The following LSAMP variants were observed in gnomAD, a reference collection of about 807,000 sequenced individuals.
LSAMP encodes limbic system-associated membrane protein.
Under a neutral mutation model 38.6 loss-of-function variants are expected in LSAMP, and 7 were observed. The observed-to-expected ratio is 0.18, with a 90% CI of 0.10 to 0.34. LSAMP has a LOEUF of 0.34. Among genes scored for constraint, LSAMP ranks in the 10% least tolerant of loss-of-function variants. LSAMP has a pLI of 1.00. For synonymous variants in LSAMP, 154 were observed against 166.8 expected, an observed-to-expected ratio of 0.92 and a Z score of 0.59; for missense variants, 313 against 420.0, an observed-to-expected ratio of 0.75 and a Z score of 2.23.
At chr3:115,915,641 CT>C (rs957374291) in intron 3 of LSAMP, among the ~76,000 whole-genome samples, 222 of 145,024 alleles carry the variant, frequency 1.5e-3, no homozygotes, top group Middle Eastern at 3.6e-3. Context: ...TAGGAATATC[CT>C]TTTTTTTTTT....
chr3:116,022,555 T>C (rs969912669), intron 2 of LSAMP, among the ~76,000 whole-genome samples: 1 of 152,168 alleles, frequency 6.6e-6, no homozygotes, highest in African/African-American at 2.4e-5. Flanking sequence ...CTCCTTCCAG[T>C]TGTTATTTTT....
Position 115,810,229 on chromosome 3 carries a change from CT to C in LSAMP, c.*87del. 3.3e-6 allele frequency: 3 copies of C among 903,182 alleles called. No homozygotes were observed. The highest frequency in any genetic ancestry group is 2.6e-5 in the Admixed American group (1 of 38,208). 55.9% of individuals were successfully genotyped at this position (903,182 alleles called of 1,614,324 possible). Reference sequence around the variant, plus strand: ...AATAAACGGTCTCCCCCATCTCTCTCTCTCTCTCTCTCTCTGTCTCTCTCTC... The same window carrying C: ...AATAAACGGTCTCCCCCATCTCTCTCCTCTCTCTCTCTCTGTCTCTCTCTC... On this transcript the variant is annotated 3_prime_UTR_variant, in exon 7 of 7. Coordinates refer to ENST00000490035, the MANE Select transcript of LSAMP (RefSeq NM_002338.5).
chr3:115,872,394 C>T (rs2107400384), intron 3 of LSAMP, among the ~76,000 whole-genome samples: 1 of 152,194 alleles, frequency 6.6e-6, no homozygotes, highest in South Asian at 2.1e-4. Flanking sequence ...TGCGGCATCA[C>T]CTGCACCTTA....
intron 2 of LSAMP, among the ~76,000 whole-genome samples, chr3:116,072,196 C>T (rs562679790): frequency 9.9e-5 from 15 of 151,904 alleles, no homozygotes; most frequent in Non-Finnish European, 1.9e-4. Context: ...AGGATGGTCT[C>T]GATCTCTTGA....
At chr3:116,138,869 T>C (rs1390621779) in intron 1 of LSAMP, among the ~76,000 whole-genome samples, 1 of 151,538 alleles carries the variant, frequency 6.6e-6, no homozygotes, top group Non-Finnish European at 1.5e-5. Flanking sequence ...ATTGAATTCA[T>C]TGGCAGGTGG....
chr3:116,004,961 A>G (rs1370035879), intron 3 of LSAMP, among the ~76,000 whole-genome samples: 1 of 152,164 alleles, frequency 6.6e-6, no homozygotes, highest in Non-Finnish European at 1.5e-5. Flanking sequence ...CTGGGACAAG[A>G]CTGACATGAA....
intron 1 of LSAMP, among the ~76,000 whole-genome samples, chr3:116,177,945 A>G (rs905826230): frequency 3.3e-5 from 5 of 152,218 alleles, no homozygotes; most frequent in Non-Finnish European, 2.9e-5. Context: ...GCTAAATTCT[A>G]TCAGAGATAC....
intron 6 of LSAMP, among the ~76,000 whole-genome samples, chr3:115,828,933 C>T (rs1372501532): frequency 6.6e-6 from 1 of 152,074 alleles, no homozygotes; most frequent in Non-Finnish European, 1.5e-5. Flanking sequence ...GCAGGCAGAT[C>T]CAGATTCGAA....
Position 116,400,666 on chromosome 3 carries a change from C to T in LSAMP, c.155+44211G>A, listed in dbSNP as rs991298617. Among the ~76,000 whole-genome samples the T allele has an allele frequency of 7.9e-5, 12 of 152,020 alleles. No individual in the cohort carries two copies. In the East Asian group the frequency reaches 9.7e-4, roughly 12 times the overall value. ...TTAATTTTTGTATTTTTAGTAGGGA[C>T]GGGGTTTCACCACGTTAGCCAGGCT... On this transcript the variant is annotated intron_variant, in intron 1 of 6. Transcript: ENST00000490035.
At chr3:116,040,024 T>C (rs1941134584) in intron 2 of LSAMP, among the ~76,000 whole-genome samples, 1 of 152,128 alleles carries the variant, frequency 6.6e-6, no homozygotes, top group Non-Finnish European at 1.5e-5. Context: ...TCCCCTTTTC[T>C]ACTTACTGGG....
chr3:115,834,295 T>C (rs1016742538), intron 6 of LSAMP, among the ~76,000 whole-genome samples: 3 of 152,076 alleles, frequency 2.0e-5, no homozygotes, highest in African/African-American at 7.2e-5. Context: ...ATATTGACTG[T>C]AGAAAAAAAT....
intron 1 of LSAMP, among the ~76,000 whole-genome samples, chr3:116,123,322 C>T (rs949835739): frequency 1.3e-5 from 2 of 152,162 alleles, no homozygotes; most frequent in African/African-American, 2.4e-5. Flanking sequence ...TGGGCCACAG[C>T]CAGAACATTT....
chr3:116,362,794 G>C (rs1383236523), intron 1 of LSAMP, among the ~76,000 whole-genome samples: 1 of 85,382 alleles, frequency 1.2e-5, no homozygotes, highest in Admixed American at 1.2e-4. Flanking sequence ...CAGAAATAAA[G>C]ATGTTCTTTG....
intron 6 of LSAMP, among the ~76,000 whole-genome samples, chr3:115,826,573 T>TA (rs1356633577): frequency 1.3e-5 from 2 of 152,188 alleles, no homozygotes; most frequent in Admixed American, 1.3e-4. Flanking sequence ...ATTTGGTCTG[T>TA]AAACCCTCTT....
intron 2 of LSAMP, among the ~76,000 whole-genome samples, chr3:116,026,053 G>A (rs539861339): frequency 1.2e-4 from 18 of 152,192 alleles, no homozygotes; most frequent in African/African-American, 4.1e-4. Context: ...TCAAAGTGCC[G>A]AGATTACAGG....
chr3:116,224,070 A>G lies in LSAMP; in HGVS notation c.156-137514T>C, dbSNP rs73858568. Among the ~76,000 whole-genome samples the G allele has an allele frequency of 7.6e-3, 1,162 of 152,054 alleles. 12 individuals are homozygous for G. The highest frequency in any genetic ancestry group is 0.027 in the African/African-American group (1,108 of 41,476). ...TAGTACTACCTGTGGGTCTGATTCC[A>G]CATGTGAGTATGTCAAATTTAATTA... On this transcript the variant is annotated intron_variant, in intron 1 of 6. Coordinates refer to ENST00000490035, the MANE Select transcript of LSAMP (RefSeq NM_002338.5).
At chr3:116,428,458 T>G (rs962733980) in intron 1 of LSAMP, among the ~76,000 whole-genome samples, 1 of 152,164 alleles carries the variant, frequency 6.6e-6, no homozygotes, top group East Asian at 1.9e-4. Flanking sequence ...GTCATCAAAC[T>G]AATTTTCTTA....
chr3:115,983,617 A>C (rs1480262205), intron 3 of LSAMP, among the ~76,000 whole-genome samples: 2 of 152,204 alleles, frequency 1.3e-5, no homozygotes, highest in Non-Finnish European at 2.9e-5. Flanking sequence ...TCTGATAATC[A>C]CACATTGAGC....
chr3:116,055,248 G>A (rs1941470094), intron 2 of LSAMP, among the ~76,000 whole-genome samples: 1 of 152,148 alleles, frequency 6.6e-6, no homozygotes, highest in Non-Finnish European at 1.5e-5. Context: ...GTTACTGCAT[G>A]GTTACTGACA....
Sources: gnomAD v4.1 joint callset for allele counts (sites outside exome capture counted in the v4.1 genomes callset) on GRCh38, gnomAD v4.1.1 for gene constraint, MANE v1.5 for transcripts, NCBI Gene and HGNC (gene_info 2026-07-23, HGNC 2026-07-21) for gene names.